The following BAZ1B variants were observed in gnomAD, a reference collection of about 807,000 sequenced individuals.
BAZ1B encodes the protein bromodomain adjacent to zinc finger domain 1B, also known as tyrosine-protein kinase BAZ1B.
BAZ1B carries 22 observed loss-of-function variants against 153.8 expected under a neutral mutation model. The ratio of observed to expected loss-of-function variants is 0.14; its 90% CI spans 0.10 to 0.20. The LOEUF (loss-of-function observed/expected upper bound fraction) is 0.20, where lower values mean the gene tolerates loss of function less well. Ranked by LOEUF, BAZ1B falls within the 10% of genes least tolerant of loss-of-function variation. BAZ1B has a pLI of 1.00. For missense variants in BAZ1B, 1,325 were observed against 1,799.3 expected (o/e 0.74, Z 4.77); for synonymous variants, 676 against 633.4 (o/e 1.07, Z -1.01).
At chr7:73,479,972 A>G (rs1789138108) in intron 6 of BAZ1B, among the ~76,000 whole-genome samples, 2 of 152,078 alleles carry the variant, frequency 1.3e-5, no homozygotes, top group Non-Finnish European at 2.9e-5. Flanking sequence ...GATCGAGACC[A>G]TCCTGGCTAA....
chr7:73,487,989 C>T (rs1780363987), intron 6 of BAZ1B, among the ~76,000 whole-genome samples: 1 of 152,072 alleles, frequency 6.6e-6, no homozygotes, highest in Admixed American at 6.6e-5. Flanking sequence ...TTTCAATATG[C>T]TTTTGTCACC....
intron 11 of BAZ1B, 134 bp from the exon 12 acceptor site, chr7:73,463,233 T>A: frequency 6.4e-6 from 5 of 775,206 alleles, no homozygotes; most frequent in Non-Finnish European, 9.9e-6. Flanking sequence ...GTGTTTTTTC[T>A]TTTTTCTTTT....
intron 7 of BAZ1B, among the ~76,000 whole-genome samples, chr7:73,476,526 T>C (rs946091962): frequency 3.3e-5 from 5 of 152,212 alleles, no homozygotes; most frequent in African/African-American, 9.6e-5. Context: ...AGGAACACTG[T>C]ACAGCTAAGT....
At chr7:73,512,015 C>T (rs192064165) in intron 1 of BAZ1B, among the ~76,000 whole-genome samples, 1 of 108,314 alleles carries the variant, frequency 9.2e-6, no homozygotes, top group African/African-American at 3.8e-5. Context: ...GTGATAAGAG[C>T]GAAACTCCAC....
intron 9 of BAZ1B, 106 bp downstream of exon 9, chr7:73,469,411 A>G (rs1583905861): frequency 7.1e-7 from 1 of 1,413,610 alleles, no homozygotes; most frequent in Non-Finnish European, 9.7e-7. Flanking sequence ...TAAGACCACA[A>G]TAAAGAAATT....
intron 16 of BAZ1B, among the ~76,000 whole-genome samples, chr7:73,444,741 G>A (rs782563483): frequency 4.1e-4 from 62 of 152,170 alleles, no homozygotes; most frequent in Non-Finnish European, 6.8e-4. Context: ...TAGGCCGGGC[G>A]TTGTGGCTCA....
chr7:73,447,230 T>G (rs1787870763), intron 16 of BAZ1B, 34 bp downstream of exon 16: 11 of 1,612,752 alleles, frequency 6.8e-6, no homozygotes, highest in Non-Finnish European at 9.3e-6. Flanking sequence ...TAGAAGACTG[T>G]GAAATCAACT....
chr7:73,470,009 A>G (rs1395113976), intron 8 of BAZ1B, among the ~76,000 whole-genome samples: 2 of 152,132 alleles, frequency 1.3e-5, no homozygotes, highest in Non-Finnish European at 2.9e-5. Flanking sequence ...GCCCAGCCCT[A>G]ATTTGTGTAA....
intron 11 of BAZ1B, among the ~76,000 whole-genome samples, chr7:73,464,506 T>C (rs946236170): frequency 6.6e-6 from 1 of 152,152 alleles, no homozygotes; most frequent in African/African-American, 2.4e-5. Flanking sequence ...CCTTCCCCTA[T>C]CCTCTGGCAA....
intron 5 of BAZ1B, among the ~76,000 whole-genome samples, chr7:73,492,564 A>G (rs1328679554): frequency 6.6e-6 from 1 of 152,198 alleles, no homozygotes; most frequent in Non-Finnish European, 1.5e-5. Flanking sequence ...CTCAAATGTA[A>G]ATTACTTACA....
chr7:73,512,350 G>C (rs1264458273), intron 1 of BAZ1B, among the ~76,000 whole-genome samples: 1 of 150,052 alleles, frequency 6.7e-6, no homozygotes, highest in African/African-American at 2.5e-5. Flanking sequence ...TGTATTTTAT[G>C]TGTGGCCCGA....
intron 5 of BAZ1B, among the ~76,000 whole-genome samples, chr7:73,489,749 C>CA (rs1186544737): frequency 5.3e-5 from 8 of 152,266 alleles, no homozygotes; most frequent in South Asian, 2.1e-4. Flanking sequence ...GCTATGGTCA[C>CA]ACCAATGCAC....
At chr7:73,454,547 G>T (rs1788126826) in intron 13 of BAZ1B, among the ~76,000 whole-genome samples, 1 of 152,168 alleles carries the variant, frequency 6.6e-6, no homozygotes, top group Admixed American at 6.5e-5. Flanking sequence ...CATTTGATAA[G>T]CTTTGGAAAG....
At chr7:73,511,633 A>G (rs573223906) in intron 1 of BAZ1B, among the ~76,000 whole-genome samples, 19 of 152,296 alleles carry the variant, frequency 1.2e-4, no homozygotes, top group Admixed American at 2.6e-4. Flanking sequence ...CCAAAAACTC[A>G]TAAGAAAAAG....
At chr7:73,512,252 A>G (rs1030999718) in intron 1 of BAZ1B, among the ~76,000 whole-genome samples, 2 of 151,730 alleles carry the variant, frequency 1.3e-5, no homozygotes, top group Non-Finnish European at 2.9e-5. Flanking sequence ...AACACAGCCC[A>G]ACACAAGTTC....
chr7:73,510,167 C>A (rs1790520540), intron 2 of BAZ1B, among the ~76,000 whole-genome samples: 1 of 151,698 alleles, frequency 6.6e-6, no homozygotes, highest in Non-Finnish European at 1.5e-5. Flanking sequence ...CGGTAGCTCA[C>A]GCCTGTAATC....
Position 73,508,366 on chromosome 7 carries a change from G to A in BAZ1B, c.330C>T (p.Ile110=). 1 of 1,613,962 alleles carries A rather than the reference G, an allele frequency of 6.2e-7. No homozygotes were observed. The highest frequency in any genetic ancestry group is 2.2e-5 in the East Asian group (1 of 44,876). Residue 110 remains isoleucine, a synonymous_variant, in exon 3 of 20, where the codon ATC becomes ATT. Coordinates refer to ENST00000339594, the MANE Select transcript of BAZ1B (RefSeq NM_032408.4). ...EKLVDTAWLE[I]MTKYAVGEEC... ...CTTCTCCCACAGCATATTTGGTCAT[G>A]ATCTCCAACCAAGCAGTATCTACTA...
intron 13 of BAZ1B, 78 bp from the exon 14 acceptor site, chr7:73,451,072 A>T: frequency 6.6e-7 from 1 of 1,525,998 alleles, no homozygotes; most frequent in Middle Eastern, 1.7e-4. Context: ...AGGGGACAGT[A>T]TGAGAGAATT....
chr7:73,511,434 C>T (rs1468464924), intron 1 of BAZ1B, among the ~76,000 whole-genome samples: 3 of 151,854 alleles, frequency 2.0e-5, no homozygotes, highest in African/African-American at 4.8e-5. Context: ...GAGGCCACGG[C>T]AGGACAATCA....
Sources: allele counts gnomAD v4.1 joint callset (sites outside exome capture counted in the v4.1 genomes callset), GRCh38; gene constraint gnomAD v4.1.1; transcripts MANE v1.5; gene names NCBI Gene and HGNC (gene_info 2026-07-23, HGNC 2026-07-21).